Variants in GLO1 observed in about 807,000 individuals in gnomAD.
The protein encoded by GLO1 is glyoxalase I.
In GLO1, 28 loss-of-function variants were observed where a neutral mutation model predicts 26.0. That is an observed-to-expected ratio of 1.08 (90% CI 0.80 to 1.48). The LOEUF (loss-of-function observed/expected upper bound fraction) is 1.48, where lower values mean the gene tolerates loss of function less well. GLO1 is among the 40% of genes most tolerant of loss of function. The pLI is 0.00. For missense variants in GLO1, 225 were observed against 224.8 expected (o/e 1.00, Z -0.01); for synonymous variants, 78 against 77.6 (o/e 1.00, Z -0.03).
At chr6:38,677,576 C>A (rs1761273409) in intron 5 of GLO1, among the ~76,000 whole-genome samples, 193 bp from the exon 6 acceptor site, 2 of 152,074 alleles carry the variant, frequency 1.3e-5, no homozygotes, top group Admixed American at 1.3e-4. Flanking sequence ...CACCACCTTG[C>A]CTGGCTAATT....
At chr6:38,684,541 A>G in intron 2 of GLO1, 27 bp from the exon 3 acceptor site, 1 of 1,426,856 alleles carries the variant, frequency 7.0e-7, no homozygotes, top group Non-Finnish European at 9.3e-7. Flanking sequence ...ACAAGCCTGA[A>G]TCATTAACAA....
intron 1 of GLO1, among the ~76,000 whole-genome samples, chr6:38,694,247 A>G (rs558033542): frequency 6.6e-6 from 1 of 152,228 alleles, no homozygotes; most frequent in South Asian, 2.1e-4. Flanking sequence ...TTCTACAGAC[A>G]CTTGGAAAAA....
chr6:38,688,432 T>A (rs907612655), intron 1 of GLO1, among the ~76,000 whole-genome samples: 20 of 147,616 alleles, frequency 1.4e-4, no homozygotes, highest in African/African-American at 2.0e-4. Context: ...AAAAAAAAAA[T>A]TTAAAGCAGC....
chr6:38,683,029 G>A, intron 3 of GLO1, 154 bp from the exon 4 acceptor site: 22 of 562,252 alleles, frequency 3.9e-5, no homozygotes, highest in South Asian at 1.8e-4. Flanking sequence ...ACTATAGAAA[G>A]GACAAATGGC....
intron 1 of GLO1, among the ~76,000 whole-genome samples, chr6:38,691,229 G>A (rs1210411998): frequency 6.6e-6 from 1 of 152,064 alleles, no homozygotes; most frequent in African/African-American, 2.4e-5. Context: ...TCAAAAGGTG[G>A]ACAATAGAAA....
intron 1 of GLO1, among the ~76,000 whole-genome samples, chr6:38,697,437 G>C (rs1416943853): frequency 6.6e-6 from 1 of 152,180 alleles, no homozygotes; most frequent in Non-Finnish European, 1.5e-5. Context: ...AATCACCCTA[G>C]GGCAGAAGGC....
intron 1 of GLO1, among the ~76,000 whole-genome samples, chr6:38,699,370 C>T (rs188045960): frequency 1.0e-3 from 156 of 152,120 alleles, no homozygotes; most frequent in African/African-American, 3.6e-3. Flanking sequence ...GTTAACTGTA[C>T]AAATTGATTG....
At chr6:38,686,529 T>C (rs7761715) in intron 2 of GLO1, among the ~76,000 whole-genome samples, 2,324 of 152,290 alleles carry the variant, frequency 0.015, 79 homozygotes, top group African/African-American at 0.053. Context: ...AGTAAACCCA[T>C]TGGTTTTCTG....
intron 3 of GLO1, 184 bp from the exon 4 acceptor site, chr6:38,683,059 G>A: frequency 1.8e-6 from 1 of 562,546 alleles, no homozygotes; most frequent in Non-Finnish European, 3.2e-6. Flanking sequence ...ATTTTAACGA[G>A]ACTAAAGAGA....
intron 2 of GLO1, among the ~76,000 whole-genome samples, chr6:38,686,028 A>T (rs1430700636): frequency 2.0e-5 from 3 of 152,244 alleles, no homozygotes; most frequent in Non-Finnish European, 4.4e-5. Context: ...AGTGCCTGGC[A>T]AAAGTGTTCA....
In GLO1 at chr6:38,682,021, G is replaced by C. The variant is rs1257218378; in HGVS notation, c.457C>G (p.Pro153Ala). 1 of 1,518,172 alleles carries C rather than the reference G, an allele frequency of 6.6e-7. No individual in the cohort carries two copies. The highest frequency in any genetic ancestry group is 9.2e-7 in the Non-Finnish European group (1 of 1,092,420). The allele number at this position is 1,518,172 out of a possible 1,614,324, so 94.0% of individuals were successfully genotyped here. ...TAAGTAGTAGACTCACCATCATCAG[G>C]TTTCTTCACAAATTTGACTCCCAGT... Reference protein sequence around the residue: ...EELGVKFVKKPDDGKMKGLAF... With the variant: ...EELGVKFVKKADDGKMKGLAF... Residue 153 changes from proline (P) to alanine (A), a missense_variant, in exon 5 of 6, where the codon CCT becomes GCT. Coordinates refer to ENST00000373365, the MANE Select transcript of GLO1 (RefSeq NM_006708.3).
chr6:38,680,384 G>A (rs1761352803), intron 5 of GLO1, among the ~76,000 whole-genome samples: 2 of 152,118 alleles, frequency 1.3e-5, no homozygotes, highest in East Asian at 1.9e-4. Context: ...AGCCAGGCAC[G>A]GTGGTGCATG....
At chr6:38,678,399 GA>G (rs1554186598) in intron 5 of GLO1, among the ~76,000 whole-genome samples, 10,602 of 127,262 alleles carry the variant, frequency 0.083, 554 homozygotes, top group Middle Eastern at 0.18. Flanking sequence ...AGGAAGGAAG[GA>G]AAAGAAAAGG....
chr6:38,682,809 G>T lies in GLO1; in HGVS notation c.375C>A (p.Phe125Leu). ...YHNGNSDPRGFGHIGIAVPDV... is the reference protein window; with the variant it reads ...YHNGNSDPRGLGHIGIAVPDV... Reference sequence around the variant, plus strand: ...TCACATAAAAACAGGCAAACTTACCGAATCCTCGAGGGTCTGAATTGCCAT... The same window carrying T: ...TCACATAAAAACAGGCAAACTTACCTAATCCTCGAGGGTCTGAATTGCCAT... Residue 125 changes from phenylalanine to leucine, a missense_variant and splice_region_variant, in exon 4 of 6, where the codon TTC (phenylalanine) becomes TTA (leucine). Transcript: ENST00000373365. The T allele has an allele frequency of 6.4e-7, 1 of 1,573,382 alleles. No individual in the cohort carries two copies. The highest frequency in any genetic ancestry group is 8.7e-7 in the Non-Finnish European group (1 of 1,143,176).
At chr6:38,678,352 G>T (rs1317766133) in intron 5 of GLO1, among the ~76,000 whole-genome samples, 1 of 150,532 alleles carries the variant, frequency 6.6e-6, no homozygotes, top group Non-Finnish European at 1.5e-5. Context: ...GAGAGAAAGA[G>T]AGAAGGAAGG....
chr6:38,703,027 C>T lies in GLO1; in HGVS notation c.28G>A (p.Gly10Ser), dbSNP rs113061497. The change falls in exon 1 of 6, where the codon GGC becomes AGC. Residue 10 changes from glycine to serine, a missense_variant. Physicochemically the swap from Gly to Ser is moderately conservative, Grantham distance 56 (BLOSUM62 0). Transcript: ENST00000373365. The part of the protein sequence containing the change: MAEPQPPSG[G>S]LTDEAALSCC... ...CTGAGGGCGGCCTCGTCCGTGAGGC[C>T]GCCGGACGGGGGCTGCGGTTCTGCC... is the stretch of plus-strand genomic sequence containing the variant. The T allele has an allele frequency of 1.9e-6, 3 of 1,592,122 alleles. No individual in the cohort carries two copies. The highest frequency in any genetic ancestry group is 1.1e-5 in the South Asian group (1 of 90,302).
chr6:38,692,008 CT>C (rs1461652598), intron 1 of GLO1, among the ~76,000 whole-genome samples: 1 of 152,168 alleles, frequency 6.6e-6, no homozygotes, highest in Non-Finnish European at 1.5e-5. Flanking sequence ...TAGAAAAATT[CT>C]TCCCACTTTA....
At position 38,687,167 on chromosome 6, in the gene GLO1, A is replaced by ATTCTCTCTAGTCTGCTTTGGGG; in HGVS notation, c.85-194_85-193insCCCCAAAGCAGACTAGAGAGAA. Reference sequence around the variant, plus strand: ...AAGTCCAAAGTGTCAGAAAGTTTCCACTGCAGGAATGACCTTCAACCAATG... The same window carrying ATTCTCTCTAGTCTGCTTTGGGG: ...AAGTCCAAAGTGTCAGAAAGTTTCCATTCTCTCTAGTCTGCTTTGGGGCTGCAGGAATGACCTTCAACCAATG... On this transcript the variant is annotated intron_variant, in intron 1 of 5. Coordinates refer to ENST00000373365, the MANE Select transcript of GLO1 (RefSeq NM_006708.3). The ATTCTCTCTAGTCTGCTTTGGGG allele has an allele frequency of 4.5e-6, 4 of 895,840 alleles. No individual in the cohort carries two copies. The African/African-American group carries it at 7.2e-5, about 16-fold the overall frequency. The allele number at this position is 895,840 out of a possible 1,614,324, so 55.5% of individuals were successfully genotyped here.
At chr6:38,701,130 G>A (rs1345426484) in intron 1 of GLO1, among the ~76,000 whole-genome samples, 1 of 148,624 alleles carries the variant, frequency 6.7e-6, no homozygotes, top group Non-Finnish European at 1.5e-5. Context: ...ATTACTGCTG[G>A]AGTCAGCACC....
Sources: gnomAD v4.1 joint callset for allele counts (sites outside exome capture counted in the v4.1 genomes callset) on GRCh38, gnomAD v4.1.1 for gene constraint, MANE v1.5 for transcripts, NCBI Gene and HGNC (gene_info 2026-07-23, HGNC 2026-07-21) for gene names.